Variants in ANKRD36B observed in about 807,000 individuals in gnomAD.
The protein encoded by ANKRD36B is ankyrin repeat domain-containing protein 36B.
Under a neutral mutation model 135.7 loss-of-function variants are expected in ANKRD36B, and 37 were observed. The observed-to-expected ratio is 0.27, with a 90% CI of 0.21 to 0.36. The LOEUF is 0.36. ANKRD36B is among the 10% of genes least tolerant of loss of function. The probability of loss-of-function intolerance (pLI) is 1.00; values close to 1 mark genes in which losing one functional copy is unlikely to be tolerated. For missense variants in ANKRD36B, 549 were observed against 1,037.1 expected, an observed-to-expected ratio of 0.53 and a Z score of 6.46; for synonymous variants, 179 against 348.1, an observed-to-expected ratio of 0.51 and a Z score of 5.41.
chr2:97,574,481 C>T (rs935861631), intron 6 of ANKRD36B, among the ~76,000 whole-genome samples: 4 of 152,116 alleles, frequency 2.6e-5, no homozygotes, highest in African/African-American at 7.2e-5. Flanking sequence ...GTCAGTGTGG[C>T]GATTCCTCAG....
intron 17 of ANKRD36B, 38 bp downstream of exon 17, chr2:97,551,414 C>A (rs370935310): frequency 6.9e-5 from 110 of 1,605,534 alleles, no homozygotes; most frequent in Non-Finnish European, 9.1e-5. Flanking sequence ...ATAGGCTATA[C>A]GTTTACTAGC....
chr2:97,587,561 T>C (rs2083102168), intron 1 of ANKRD36B, among the ~76,000 whole-genome samples: 1 of 152,228 alleles, frequency 6.6e-6, no homozygotes, highest in Non-Finnish European at 1.5e-5. Context: ...ATTTATAAAA[T>C]TTATAAAATC....
chr2:97,547,584 G>C lies in ANKRD36B; in HGVS notation c.1531C>G (p.Leu511Val), dbSNP rs779670601. 2.0e-4 allele frequency: 314 copies of C among 1,568,370 alleles called. No homozygotes were observed. Among genetic ancestry groups the C allele is most frequent in the Middle Eastern group, 1.6e-3 (7 of 4,350 alleles). ...LKATRDEKDS[L>V]LNIARGKKDG... ...TTTTTTCCTCTGGCTATATTCAAAA[G>C]AGAATCTTTCTCGTCTCTTGTAGCC... is the stretch of plus-strand genomic sequence containing the variant. The change falls in exon 22 of 44, where the codon CTT becomes GTT. Residue 511 changes from leucine (L) to valine (V), a missense_variant. Physicochemically the swap from Leu to Val is conservative, Grantham distance 32 (BLOSUM62 1). Coordinates refer to ENST00000359901, the MANE Select transcript of ANKRD36B (RefSeq NM_001393939.1).
chr2:97,586,210 CA>C lies in ANKRD36B; in HGVS notation c.162-813del, dbSNP rs199697677. ...ACAAAGTAATTCTTACTTCAACTTT[CA>C]AAAAAAAATAATCCAAAGAAAACTC... On this transcript the variant is annotated intron_variant, in intron 1 of 43. Coordinates refer to ENST00000359901, the MANE Select transcript of ANKRD36B (RefSeq NM_001393939.1). 6.5e-3 allele frequency among the ~76,000 whole-genome samples: 979 copies of C among 149,552 alleles called. 5 individuals are homozygous for C. The highest frequency in any genetic ancestry group is 0.011 in the Non-Finnish European group (729 of 67,344).
chr2:97,570,954 C>T (rs1318949620), intron 6 of ANKRD36B, among the ~76,000 whole-genome samples: 1 of 152,156 alleles, frequency 6.6e-6, no homozygotes, highest in African/African-American at 2.4e-5. Context: ...ATCTGTTTTC[C>T]TTAACAGTTG....
chr2:97,549,813 C>G (rs1164593698), intron 18 of ANKRD36B, among the ~76,000 whole-genome samples, 199 bp from the exon 19 acceptor site: 23 of 151,982 alleles, frequency 1.5e-4, no homozygotes, highest in Middle Eastern at 6.8e-3. Flanking sequence ...GAAATATACC[C>G]TTACAATTTC....
Sources: gnomAD v4.1 joint callset for allele counts (sites outside exome capture counted in the v4.1 genomes callset) on GRCh38, gnomAD v4.1.1 for gene constraint, MANE v1.5 for transcripts, NCBI Gene and HGNC (gene_info 2026-07-23, HGNC 2026-07-21) for gene names.